The following IL16 variants were observed in gnomAD, a reference collection of about 807,000 sequenced individuals.
The protein encoded by IL16 is pro-interleukin-16.
A neutral mutation model predicts 110.1 loss-of-function variants in IL16; 67 were observed. The observed-to-expected ratio is 0.61, with a 90% CI of 0.50 to 0.75. The LOEUF (loss-of-function observed/expected upper bound fraction) is 0.75. IL16 is among the 30% of genes least tolerant of loss of function. The pLI is 0.00. For missense variants in IL16, 1,545 were observed against 1,655.0 expected (o/e 0.93, Z 1.15); for synonymous variants, 689 against 662.9 (o/e 1.04, Z -0.61).
At position 81,313,327 on chromosome 15, in the gene IL16, A is replaced by G. The variant is rs1464914185; in HGVS notation, c.*4529A>G. ...CGGGTCATGCTGCGGGGGAAGAAGG[A>G]GTCCACCACGTTCTGTGGGAGGTAA... On this transcript the variant is annotated 3_prime_UTR_variant, in exon 19 of 19. Transcript: ENST00000683961. 6.3e-7 allele frequency: 1 copy of G among 1,578,996 alleles called. No individual in the cohort carries two copies. Among genetic ancestry groups the G allele is most frequent in the Non-Finnish European group, 8.6e-7 (1 of 1,163,026 alleles).
In IL16 at chr15:81,259,972, A is replaced by G; in HGVS notation, c.421+92A>G. On this transcript the variant is annotated intron_variant, in intron 3 of 18. Coordinates refer to ENST00000683961, the MANE Select transcript of IL16 (RefSeq NM_172217.5). ...GAGGATAGCGGCTCTCTTCTGGTCC[A>G]GTTGGAGTAAACTAGCATTGGAGTC... 5.0e-6 allele frequency: 4 copies of G among 794,514 alleles called. No homozygotes were observed. The Admixed American group carries it at 8.2e-5, about 16-fold the overall frequency. The allele number at this position is 794,514 out of a possible 1,614,324, so 49.2% of individuals were successfully genotyped here.
chr15:81,280,296 A>G (rs986289197), intron 8 of IL16, among the ~76,000 whole-genome samples: 5 of 152,184 alleles, frequency 3.3e-5, no homozygotes, highest in Admixed American at 6.5e-5. Context: ...AGCGAGGCAC[A>G]GAGCTGGGCT....
At chr15:81,301,686 A>G (rs1900295129) in intron 15 of IL16, among the ~76,000 whole-genome samples, 174 bp downstream of exon 15, 1 of 152,224 alleles carries the variant, frequency 6.6e-6, no homozygotes, top group African/African-American at 2.4e-5. Flanking sequence ...TTCCATTTGA[A>G]GAGAGCCTTT....
intron 1 of IL16, among the ~76,000 whole-genome samples, chr15:81,191,068 C>T (rs948287405): frequency 4.6e-5 from 7 of 152,212 alleles, no homozygotes; most frequent in Non-Finnish European, 8.8e-5. Flanking sequence ...TTGCCTCAGC[C>T]TCCACACTGG....
intron 1 of IL16, among the ~76,000 whole-genome samples, chr15:81,183,048 TGTGTGTGCACACGTGTAA>T (rs1566985516): frequency 3.3e-5 from 5 of 151,958 alleles, no homozygotes; most frequent in South Asian, 4.2e-4. Flanking sequence ...CACGTGTGAG[TGTGTGTGCACACGTGTAA>T]GTGTGTGCAC....
rs752360863 is a variant in IL16, at chr15:81,303,998, A to G, written c.3420+348A>G. 1.1e-4 allele frequency among the ~76,000 whole-genome samples: 17 copies of G among 152,178 alleles called. No individual in the cohort carries two copies. Among genetic ancestry groups the G allele is most frequent in the African/African-American group, 3.1e-4 (13 of 41,450 alleles). ...CTGCTCGCTCTCTAAAGCCGAGTGC[A>G]TTGCTGTCATCCCAGGGCTGTGTTG... On this transcript the variant is annotated intron_variant, in intron 16 of 18. Coordinates refer to ENST00000683961, the MANE Select transcript of IL16 (RefSeq NM_172217.5). This position sits in a 1 kb window ranked among gnomAD's most constrained non-coding sequence, Gnocchi z 4.1.
At chr15:81,215,635 G>A (rs1211816801) in intron 1 of IL16, among the ~76,000 whole-genome samples, 1 of 152,128 alleles carries the variant, frequency 6.6e-6, no homozygotes, top group Non-Finnish European at 1.5e-5. Flanking sequence ...AGGATGCAGG[G>A]CCCCCTCTGG....
chr15:81,247,469 T>G (rs1360884892), intron 2 of IL16, among the ~76,000 whole-genome samples: 1 of 152,204 alleles, frequency 6.6e-6, no homozygotes, highest in African/African-American at 2.4e-5. Flanking sequence ...GTAGTTATTT[T>G]CCAGTTACCT....
rs775697249 is a variant in IL16 at position 81,225,597 on chromosome 15, A to G, written c.198A>G (p.Thr66=). The part of the protein sequence containing the change: ...IFHSSVQLAD[T]SEAGPSSVPD... ...ACTCATCTGTGCAGCTGGCAGACACATCGGAGGCTGGGCCCAGCAGTGTTC... is the reference window on the plus strand; with the variant it reads ...ACTCATCTGTGCAGCTGGCAGACACGTCGGAGGCTGGGCCCAGCAGTGTTC... Residue 66 remains threonine, a synonymous_variant, in exon 2 of 19, where the codon ACA becomes ACG. Coordinates refer to ENST00000683961, the MANE Select transcript of IL16 (RefSeq NM_172217.5). 22 of 1,613,968 alleles carry G rather than the reference A, an allele frequency of 1.4e-5. No homozygotes were observed. In the Admixed American group the frequency reaches 2.5e-4, roughly 18 times the overall value.
At chr15:81,279,476 A>C in intron 7 of IL16, 82 bp from the exon 8 acceptor site, 1 of 871,852 alleles carries the variant, frequency 1.1e-6, no homozygotes, top group Non-Finnish European at 1.8e-6. Flanking sequence ...ACACACACAC[A>C]GAGGTGTGTT....
chr15:81,199,935 C>T (rs1895748958), intron 1 of IL16, among the ~76,000 whole-genome samples: 1 of 152,098 alleles, frequency 6.6e-6, no homozygotes, highest in South Asian at 2.1e-4. Context: ...GATTCAGTGG[C>T]CCAAAGAAGG....
chr15:81,274,079 C>T (rs985761797), intron 6 of IL16, among the ~76,000 whole-genome samples: 1 of 152,240 alleles, frequency 6.6e-6, no homozygotes, highest in African/African-American at 2.4e-5. Context: ...CTGGGCCATA[C>T]ACCAGAGGTC....
chr15:81,307,511 C>G (rs111236827), intron 18 of IL16, among the ~76,000 whole-genome samples: 1 of 152,194 alleles, frequency 6.6e-6, no homozygotes, highest in East Asian at 1.9e-4. Context: ...ATGGCATTCC[C>G]CCCAGAATCC....
chr15:81,282,617 C>T (rs753653544), intron 8 of IL16, 22 bp from the exon 9 acceptor site: 12 of 1,592,860 alleles, frequency 7.5e-6, no homozygotes, highest in Non-Finnish European at 9.4e-6. Context: ...GGTCTCCCCA[C>T]CCCGCCCTGT....
intron 2 of IL16, among the ~76,000 whole-genome samples, chr15:81,234,653 A>G (rs943767842): frequency 6.6e-6 from 1 of 152,082 alleles, no homozygotes; most frequent in Non-Finnish European, 1.5e-5. Context: ...CATTAATTTA[A>G]ATGTTTACAT....
intron 6 of IL16, among the ~76,000 whole-genome samples, chr15:81,278,510 G>C (rs1309424567): frequency 6.6e-6 from 1 of 152,208 alleles, no homozygotes; most frequent in Non-Finnish European, 1.5e-5. Flanking sequence ...CAAATGGTGT[G>C]AGGGTCAGGG....
chr15:81,205,369 A>G (rs532044473), intron 1 of IL16, among the ~76,000 whole-genome samples: 9 of 152,120 alleles, frequency 5.9e-5, no homozygotes, highest in Non-Finnish European at 8.8e-5. Context: ...TAAATAGTCA[A>G]TCACTCTGAG....
At chr15:81,201,704 G>A (rs142581937) in intron 1 of IL16, among the ~76,000 whole-genome samples, 37 of 152,134 alleles carry the variant, frequency 2.4e-4, no homozygotes, top group African/African-American at 6.0e-4. Flanking sequence ...TAAATTTTGT[G>A]TTTGGTAAAA....
intron 12 of IL16, among the ~76,000 whole-genome samples, chr15:81,296,062 A>G (rs1205511858): frequency 6.6e-6 from 1 of 152,098 alleles, no homozygotes; most frequent in Admixed American, 6.5e-5. Flanking sequence ...CCAGATGGGT[A>G]TTATGTTTGG....
Sources: gnomAD v4.1 joint callset for allele counts (sites outside exome capture counted in the v4.1 genomes callset) on GRCh38, gnomAD v4.1.1 for gene constraint, Gnocchi (gnomAD v3.1) non-coding constraint, MANE v1.5 for transcripts, NCBI Gene and HGNC (gene_info 2026-07-23, HGNC 2026-07-21) for gene names.